SORBS2: variants seen among roughly 807,000 people sequenced by gnomAD.
SORBS2 encodes the protein sorbin and SH3 domain-containing protein 2.
A neutral mutation model predicts 97.7 loss-of-function variants in SORBS2; 46 were observed. The observed-to-expected ratio is 0.47, with a 90% CI of 0.37 to 0.60. The LOEUF is 0.60. Ranked by LOEUF, SORBS2 falls within the 20% of genes least tolerant of loss-of-function variation. The probability of loss-of-function intolerance (pLI) is 0.00; values close to 1 mark genes in which losing one functional copy is unlikely to be tolerated. For missense variants in SORBS2, 1,316 were observed against 1,282.3 expected (o/e 1.03, Z -0.40); for synonymous variants, 476 against 473.4 (o/e 1.01, Z -0.07).
chr4:185,751,919 G>T (rs2098802802), intron 2 of SORBS2, among the ~76,000 whole-genome samples: 1 of 152,236 alleles, frequency 6.6e-6, no homozygotes, highest in East Asian at 1.9e-4. Context: ...TGGCGATTTT[G>T]CTCCCCAGGG....
intron 1 of SORBS2, among the ~76,000 whole-genome samples, chr4:185,941,085 A>G (rs2099271758): frequency 6.6e-6 from 1 of 152,216 alleles, no homozygotes; most frequent in Non-Finnish European, 1.5e-5. Context: ...CCATTCGTCT[A>G]CTTCGTTATT....
intron 2 of SORBS2, among the ~76,000 whole-genome samples, chr4:185,700,535 T>C (rs1583021077): frequency 6.6e-6 from 1 of 152,156 alleles, no homozygotes; most frequent in African/African-American, 2.4e-5. Context: ...AAATTTATGC[T>C]TTAAATTGAC....
In SORBS2 at chr4:185,606,719, C is replaced by G. The variant is rs1201692971; in HGVS notation, c.2796+5061G>C. Reference sequence around the variant, plus strand: ...TCAATGTGCAGGTGTGGGGTGCCCTCTGACCCATCGTGGCCACACCACCAG... The same window carrying G: ...TCAATGTGCAGGTGTGGGGTGCCCTGTGACCCATCGTGGCCACACCACCAG... On this transcript the variant is annotated intron_variant, in intron 12 of 14. Transcript: ENST00000418609. This position sits in a 1 kb window ranked among gnomAD's most constrained non-coding sequence, Gnocchi z 4.3. The G allele has an allele frequency of 2.0e-6, 2 of 985,222 alleles. No homozygotes were observed. The highest frequency in any genetic ancestry group is 1.1e-4 in the East Asian group (1 of 8,812). 61.0% of individuals were successfully genotyped at this position (985,222 alleles called of 1,614,324 possible).
intron 2 of SORBS2, among the ~76,000 whole-genome samples, chr4:185,714,670 G>A (rs1215929093): frequency 6.6e-6 from 1 of 152,198 alleles, no homozygotes; most frequent in Non-Finnish European, 1.5e-5. Context: ...AGAAGGCAAA[G>A]GAGGAGCAAA....
At chr4:185,647,718 A>G (rs1366030304) in intron 3 of SORBS2, among the ~76,000 whole-genome samples, 2 of 152,132 alleles carry the variant, frequency 1.3e-5, no homozygotes, top group African/African-American at 4.8e-5. Flanking sequence ...ATGGAGCAAG[A>G]CCCCTTAAAC....
intron 2 of SORBS2, among the ~76,000 whole-genome samples, chr4:185,688,577 A>C (rs936534674): frequency 3.3e-5 from 5 of 152,088 alleles, no homozygotes; most frequent in Non-Finnish European, 4.4e-5. Context: ...GGGATGAGAA[A>C]AATAACTTGT....
At chr4:185,893,354 C>T (rs565668998) in intron 1 of SORBS2, among the ~76,000 whole-genome samples, 84 of 152,322 alleles carry the variant, frequency 5.5e-4, no homozygotes, top group Admixed American at 1.0e-3. Flanking sequence ...GCACCACTGC[C>T]GCGCTGGAGC....
At chr4:185,652,751 T>C (rs374437542) in intron 1 of SORBS2, 23 bp from the exon 10 acceptor site, 26 of 1,600,544 alleles carry the variant, frequency 1.6e-5, no homozygotes, top group Non-Finnish European at 2.1e-5. Flanking sequence ...GAGCGTCCAA[T>C]GGTTACAAAC....
At chr4:185,908,032 T>C (rs893852143) in intron 1 of SORBS2, among the ~76,000 whole-genome samples, 41 of 151,912 alleles carry the variant, frequency 2.7e-4, no homozygotes, top group Admixed American at 9.8e-4. Context: ...GGAGAGGTCA[T>C]CGGGCAGAGC....
At chr4:185,762,511 C>T (rs1343244540) in intron 2 of SORBS2, among the ~76,000 whole-genome samples, 1 of 151,842 alleles carries the variant, frequency 6.6e-6, no homozygotes, top group South Asian at 2.1e-4. Flanking sequence ...AAAAGGGCAC[C>T]TGTAAGTGGA....
At chr4:185,604,151 A>G (rs375362797) in intron 12 of SORBS2, among the ~76,000 whole-genome samples, 2 of 152,208 alleles carry the variant, frequency 1.3e-5, no homozygotes, top group East Asian at 1.9e-4. Context: ...TTTCTCCTCA[A>G]TCTGGGTATA....
chr4:185,888,061 A>G (rs1052548947), intron 1 of SORBS2, among the ~76,000 whole-genome samples: 1 of 150,626 alleles, frequency 6.6e-6, no homozygotes, highest in South Asian at 2.1e-4. Flanking sequence ...GACATTCTAT[A>G]TTATTATTAT....
chr4:185,804,420 C>G (rs1483948357), intron 1 of SORBS2, among the ~76,000 whole-genome samples: 1 of 152,188 alleles, frequency 6.6e-6, no homozygotes, highest in Non-Finnish European at 1.5e-5. Context: ...AAAGACTGGA[C>G]ACGTCAAAAC....
At chr4:185,668,925 C>A (rs996095217) in intron 4 of SORBS2, among the ~76,000 whole-genome samples, 1 of 152,188 alleles carries the variant, frequency 6.6e-6, no homozygotes, top group East Asian at 1.9e-4. Flanking sequence ...TGAGAAACAC[C>A]AGCTAGCAGC....
chr4:185,938,573 C>T (rs1447963343), intron 1 of SORBS2, among the ~76,000 whole-genome samples: 1 of 152,066 alleles, frequency 6.6e-6, no homozygotes, highest in Non-Finnish European at 1.5e-5. Flanking sequence ...AAGACTTGAC[C>T]ATTTCTGAGA....
chr4:185,808,806 C>T (rs1337364039), intron 1 of SORBS2, among the ~76,000 whole-genome samples: 1 of 152,178 alleles, frequency 6.6e-6, no homozygotes, highest in Non-Finnish European at 1.5e-5. Context: ...ACATTATAAT[C>T]GGCTACTAAT....
At position 185,863,167 on chromosome 4, in the gene SORBS2, C is replaced by T. The variant is rs1380811969; in HGVS notation, c.-337-87801G>A. ...TTGCATTTTTACATTAGGGGAAACA[C>T]GGCATTAAACATTTTTAAAGAGCAG... On this transcript the variant is annotated intron_variant, in intron 1 of 20. Transcript: ENST00000284776. 4.6e-5 allele frequency among the ~76,000 whole-genome samples: 7 copies of T among 152,150 alleles called. No individual in the cohort carries two copies. The East Asian group carries it at 1.2e-3, about 25-fold the overall frequency.
At chr4:185,895,135 G>A (rs938258968) in intron 1 of SORBS2, among the ~76,000 whole-genome samples, 2 of 152,202 alleles carry the variant, frequency 1.3e-5, no homozygotes, top group Admixed American at 6.5e-5. Flanking sequence ...GAATTAGGAC[G>A]ATAGGCCCAC....
At chr4:185,753,374 A>C (rs1253217823) in intron 2 of SORBS2, among the ~76,000 whole-genome samples, 2 of 152,236 alleles carry the variant, frequency 1.3e-5, no homozygotes, top group African/African-American at 2.4e-5. Context: ...ATAAGGATTC[A>C]ATGCAAAATA....
Sources: gnomAD v4.1 joint callset for allele counts (sites outside exome capture counted in the v4.1 genomes callset) on GRCh38, gnomAD v4.1.1 for gene constraint, Gnocchi (gnomAD v3.1) non-coding constraint, MANE v1.5 for transcripts, NCBI Gene and HGNC (gene_info 2026-07-23, HGNC 2026-07-21) for gene names.